The following PPM1A variants were observed in gnomAD, a reference collection of about 807,000 sequenced individuals.
PPM1A encodes protein phosphatase, Mg2+/Mn2+ dependent 1A, also known as protein phosphatase 1A.
Under a neutral mutation model 35.0 loss-of-function variants are expected in PPM1A, and 7 were observed. That is an observed-to-expected ratio of 0.20 (90% CI 0.11 to 0.38). The LOEUF (loss-of-function observed/expected upper bound fraction) is 0.38, where lower values mean the gene tolerates loss of function less well. Ranked by LOEUF, PPM1A falls within the 10% of genes least tolerant of loss-of-function variation. The probability of loss-of-function intolerance (pLI) is 1.00; values close to 1 mark genes in which losing one functional copy is unlikely to be tolerated. For synonymous variants in PPM1A, 153 were observed against 167.3 expected (o/e 0.91, Z 0.66); for missense variants, 239 against 467.8 (o/e 0.51, Z 4.51).
At chr14:60,250,765 A>T (rs1372203725) in intron 1 of PPM1A, among the ~76,000 whole-genome samples, 1 of 152,204 alleles carries the variant, frequency 6.6e-6, no homozygotes, top group Non-Finnish European at 1.5e-5. Context: ...TTTTAAACAC[A>T]ACCACTTTAC....
At chr14:60,258,933 C>T (rs1432151811) in intron 1 of PPM1A, among the ~76,000 whole-genome samples, 1 of 152,000 alleles carries the variant, frequency 6.6e-6, no homozygotes, top group Non-Finnish European at 1.5e-5. Context: ...ATTCTATGAG[C>T]TTATGACTAA....
chr14:60,274,849 G>A (rs1434091589), intron 1 of PPM1A, among the ~76,000 whole-genome samples: 1 of 150,468 alleles, frequency 6.6e-6, no homozygotes, highest in African/African-American at 2.5e-5. Flanking sequence ...TTCATATCTT[G>A]GTTAGTTTCT....
rs1566610084 is a variant in PPM1A at position 60,292,421 on chromosome 14, CGTT to C, written c.1120-28_1120-26del. The stretch of plus-strand genomic sequence containing the variant: ...GTATTTTGGCACCGCTAAATTTTAA[CGTT>C]GTTCCTTATTTTGCTTCCTTTTACA... On this transcript the variant is annotated intron_variant, in intron 5 of 5. Transcript: ENST00000395076. The surrounding 1 kb of genome is among the most constrained non-coding windows in gnomAD (Gnocchi z 4.2). The C allele has an allele frequency of 1.3e-6, 2 of 1,556,602 alleles. No homozygotes were observed. The highest frequency in any genetic ancestry group is 1.7e-5 in the Admixed American group (1 of 59,452).
chr14:60,283,629 A>G lies in PPM1A; in HGVS notation c.834+92A>G, dbSNP rs8012546. ...ATCATCTTAGAATCTGTAATTCTGAAACCAGTTTTTGGCACAACTGTAGGA... is the reference window on the plus strand; with the variant it reads ...ATCATCTTAGAATCTGTAATTCTGAGACCAGTTTTTGGCACAACTGTAGGA... On this transcript the variant is annotated intron_variant, in intron 2 of 5. Coordinates refer to ENST00000395076, the MANE Select transcript of PPM1A (RefSeq NM_021003.5). This position sits in a 1 kb window ranked among gnomAD's most constrained non-coding sequence, Gnocchi z 6.3. 4.2e-3 allele frequency: 5,734 copies of G among 1,375,978 alleles called. 195 individuals are homozygous for G. The African/African-American group carries it at 0.072, about 17-fold the overall frequency. 85.2% of individuals were successfully genotyped at this position (1,375,978 alleles called of 1,614,324 possible).
intron 3 of PPM1A, chr14:60,288,273 T>G (rs1887249432): frequency 2.1e-6 from 2 of 963,310 alleles, no homozygotes; most frequent in Non-Finnish European, 2.5e-6. Flanking sequence ...GTAAGATACA[T>G]CAAATATAGA....
rs560443937 is a variant in PPM1A at position 60,288,880 on chromosome 14, T to C, written c.953-926T>C. Reference sequence around the variant, plus strand: ...TTGACCATATAACTTACAAATACTTTTGACTTGAATTTGCATGTGGAGTAT... The same window carrying C: ...TTGACCATATAACTTACAAATACTTCTGACTTGAATTTGCATGTGGAGTAT... On this transcript the variant is annotated intron_variant, in intron 3 of 5. Transcript: ENST00000395076. 6.6e-5 allele frequency among the ~76,000 whole-genome samples: 10 copies of C among 152,218 alleles called. No homozygotes were observed. In the South Asian group the frequency reaches 2.1e-3, roughly 32 times the overall value.
At chr14:60,272,191 C>T (rs1324550958) in intron 1 of PPM1A, among the ~76,000 whole-genome samples, 2 of 152,050 alleles carry the variant, frequency 1.3e-5, no homozygotes, top group Admixed American at 1.3e-4. Context: ...GTTATTTTTA[C>T]AGATTCAGGT....
In PPM1A at chr14:60,283,432, T is replaced by A; in HGVS notation, c.729T>A (p.Asp243Glu). Residue 243 changes from aspartate (D) to glutamate (E), a missense_variant, in exon 2 of 6, where the codon GAT becomes GAA. Around this residue, in one of 2 missense-constraint regions of PPM1A, gnomAD observed 175 missense variants for 389.2 expected, o/e 0.45. Transcript: ENST00000395076. This position sits in a 1 kb window ranked among gnomAD's most constrained non-coding sequence, Gnocchi z 6.3. ...FIILACDGIW[D>E]VMGNEELCDF... ...TCCTTGCATGTGATGGTATCTGGGA[T>A]GTTATGGGAAATGAAGAGCTCTGTG... is the stretch of plus-strand genomic sequence containing the variant. 6.2e-7 allele frequency: 1 copy of A among 1,614,184 alleles called. No individual in the cohort carries two copies. Among genetic ancestry groups the A allele is most frequent in the Non-Finnish European group, 8.5e-7 (1 of 1,180,028 alleles).
At chr14:60,248,418 T>TA (rs1881932483), upstream of PPM1A, among the ~76,000 whole-genome samples, 1 of 152,228 alleles carries the variant, frequency 6.6e-6, no homozygotes, top group Non-Finnish European at 1.5e-5. Flanking sequence ...CCCTGAACTA[T>TA]AGAGGGAAAA....
In PPM1A at chr14:60,249,223, A is replaced by AGGCGGC. The variant is rs537901136; in HGVS notation, c.-463_-458dup. The AGGCGGC allele has an allele frequency of 5.6e-3, 5,494 of 986,604 alleles. 236 individuals are homozygous for AGGCGGC. In the African/African-American group the frequency reaches 0.088, roughly 16 times the overall value. 61.1% of individuals were successfully genotyped at this position (986,604 alleles called of 1,614,324 possible). A position where few individuals can be genotyped will look rare whatever the true frequency, so the allele number is the denominator to read the frequency against. On this transcript the variant is annotated 5_prime_UTR_variant, in exon 1 of 6. Coordinates refer to ENST00000395076, the MANE Select transcript of PPM1A (RefSeq NM_021003.5). This position sits in a 1 kb window ranked among gnomAD's most constrained non-coding sequence, Gnocchi z 4.5. ...GCGCGCCTGCGCGGGGCCGCGCTAG[A>AGGCGGC]GGCGGCGGCGGCGGCGGTGGCGGCG...
intron 3 of PPM1A, chr14:60,288,642 T>G: frequency 1.4e-6 from 1 of 706,604 alleles, no homozygotes; most frequent in Non-Finnish European, 1.7e-6. Flanking sequence ...TGGCCTTTAT[T>G]CTAAAAGGAC....
At chr14:60,246,265 C>G (rs1390137667), upstream of PPM1A, among the ~76,000 whole-genome samples, 5 of 152,048 alleles carry the variant, frequency 3.3e-5, no homozygotes, top group Non-Finnish European at 7.4e-5. Context: ...GAATGTAAAC[C>G]TTTTTTTAAG....
At chr14:60,276,400 G>A (rs1467693027) in intron 1 of PPM1A, among the ~76,000 whole-genome samples, 2 of 151,762 alleles carry the variant, frequency 1.3e-5, no homozygotes, top group African/African-American at 4.8e-5. Context: ...GTCTACTCTA[G>A]ATTTTTCTCC....
At chr14:60,249,077 G>T (rs1018001133), upstream of PPM1A, among the ~76,000 whole-genome samples, 2 of 151,884 alleles carry the variant, frequency 1.3e-5, no homozygotes, top group African/African-American at 4.8e-5. This position sits in a 1 kb window ranked among gnomAD's most constrained non-coding sequence, Gnocchi z 4.5. Context: ...AGCCCTCACC[G>T]CAGTTCCTGC....
upstream of PPM1A, chr14:60,249,177 G>A (rs1236710497): frequency 5.2e-6 from 5 of 956,124 alleles, no homozygotes; most frequent in Admixed American, 6.2e-5. This position sits in a 1 kb window ranked among gnomAD's most constrained non-coding sequence, Gnocchi z 4.5. Flanking sequence ...GAGGGGTGGG[G>A]GAGGGGCGAC....
At position 60,249,266 on chromosome 14, in the gene PPM1A, C is replaced by A; in HGVS notation, c.-432C>A. 1.1e-5 allele frequency: 11 copies of A among 977,844 alleles called. No individual in the cohort carries two copies. Among genetic ancestry groups the A allele is most frequent in the Non-Finnish European group, 1.2e-5 (10 of 829,398 alleles). The allele number at this position is 977,844 out of a possible 1,614,324, so 60.6% of individuals were successfully genotyped here. ...TGGCGGCGCTAGGGACGGGAGCGCG[C>A]GCGGGAGCTAGAGAGCAGTGGTCTC... On this transcript the variant is annotated 5_prime_UTR_variant, in exon 1 of 6. Transcript: ENST00000395076. This position sits in a 1 kb window ranked among gnomAD's most constrained non-coding sequence, Gnocchi z 4.5.
Position 60,297,536 on chromosome 14 carries a change from T to G in PPM1A, c.*5054T>G, listed in dbSNP as rs1888146622. Reference sequence around the variant, plus strand: ...CTTTTCATTGCTCCAAAACCCAGTTTTCAACTAATGGTTTTCTCATTAAAC... The same window carrying G: ...CTTTTCATTGCTCCAAAACCCAGTTGTCAACTAATGGTTTTCTCATTAAAC... On this transcript the variant is annotated 3_prime_UTR_variant, in exon 6 of 6. Transcript: ENST00000395076. 6.6e-6 allele frequency: 1 copy of G among 151,794 alleles called. No individual in the cohort carries two copies. Among genetic ancestry groups the G allele is most frequent in the Admixed American group, 6.6e-5 (1 of 15,214 alleles). The allele number at this position is 151,794 out of a possible 1,614,324, so 9.4% of individuals were successfully genotyped here.
At chr14:60,272,569 C>T (rs1206024636) in intron 1 of PPM1A, among the ~76,000 whole-genome samples, 4 of 151,522 alleles carry the variant, frequency 2.6e-5, no homozygotes, top group South Asian at 2.1e-4. Flanking sequence ...ATTAACTGGG[C>T]GTGGTGGCAC....
At chr14:60,265,441 G>T (rs2139407803) in intron 1 of PPM1A, among the ~76,000 whole-genome samples, 1 of 152,306 alleles carries the variant, frequency 6.6e-6, no homozygotes, top group East Asian at 1.9e-4. Flanking sequence ...AGCCCAGAAG[G>T]CTCACAGTTT....
Sources: gnomAD v4.1 joint callset for allele counts (sites outside exome capture counted in the v4.1 genomes callset) on GRCh38, gnomAD v4.1.1 for gene constraint, gnomAD v4.1.1 regional missense constraint, Gnocchi (gnomAD v3.1) non-coding constraint, MANE v1.5 for transcripts, NCBI Gene and HGNC (gene_info 2026-07-23, HGNC 2026-07-21) for gene names.